The following PHLDB2 variants were observed in gnomAD, a reference collection of about 807,000 sequenced individuals.
PHLDB2 encodes pleckstrin homology like domain family B member 2.
A neutral mutation model predicts 123.6 loss-of-function variants in PHLDB2; 71 were observed. The ratio of observed to expected loss-of-function variants is 0.57; its 90% CI spans 0.47 to 0.70. The LOEUF (loss-of-function observed/expected upper bound fraction) is 0.70. PHLDB2 is among the 30% of genes least tolerant of loss of function. PHLDB2 has a pLI of 0.00. For synonymous variants in PHLDB2, 547 were observed against 541.6 expected, an observed-to-expected ratio of 1.01 and a Z score of -0.14; for missense variants, 1,446 against 1,519.5, an observed-to-expected ratio of 0.95 and a Z score of 0.80.
intron 1 of PHLDB2, among the ~76,000 whole-genome samples, chr3:111,860,506 C>A (rs977610028): frequency 6.6e-6 from 1 of 152,182 alleles, no homozygotes; most frequent in Non-Finnish European, 1.5e-5. Context: ...AATAACTTAG[C>A]CCTAGCAGTC....
chr3:111,800,173 T>G (rs761762925), intron 1 of PHLDB2, among the ~76,000 whole-genome samples: 19 of 152,170 alleles, frequency 1.2e-4, no homozygotes, highest in Non-Finnish European at 2.4e-4. Flanking sequence ...GCCCACCTAG[T>G]TTTTGCAATT....
intron 1 of PHLDB2, among the ~76,000 whole-genome samples, chr3:111,735,589 A>G (rs1941661936): frequency 6.6e-6 from 1 of 152,192 alleles, no homozygotes; most frequent in Admixed American, 6.5e-5. Flanking sequence ...AGGCATTACA[A>G]ATAGAGATTG....
At chr3:111,954,955 G>T (rs952775533) in intron 12 of PHLDB2, among the ~76,000 whole-genome samples, 2 of 152,054 alleles carry the variant, frequency 1.3e-5, no homozygotes, top group Non-Finnish European at 2.9e-5. Flanking sequence ...CTCTAAGCAG[G>T]CTGGAATTCG....
At chr3:111,878,372 G>A (rs982393855) in intron 1 of PHLDB2, among the ~76,000 whole-genome samples, 3 of 152,182 alleles carry the variant, frequency 2.0e-5, no homozygotes, top group African/African-American at 7.2e-5. Flanking sequence ...TTGGTGAATA[G>A]GAATGCTTGT....
At chr3:111,775,599 G>A (rs2060255005) in intron 1 of PHLDB2, among the ~76,000 whole-genome samples, 1 of 152,064 alleles carries the variant, frequency 6.6e-6, no homozygotes, top group Admixed American at 6.6e-5. Context: ...GTTCCATTTT[G>A]TAATGTCATT....
chr3:111,784,750 A>G (rs1197274187), intron 1 of PHLDB2, among the ~76,000 whole-genome samples: 1 of 152,320 alleles, frequency 6.6e-6, no homozygotes, highest in East Asian at 1.9e-4. Flanking sequence ...AATGTCATGT[A>G]TATTGTAACA....
chr3:111,789,011 T>A (rs1225224077), intron 1 of PHLDB2, among the ~76,000 whole-genome samples: 2 of 152,192 alleles, frequency 1.3e-5, no homozygotes, highest in Admixed American at 6.5e-5. Flanking sequence ...CGATGAGCGC[T>A]ATATTATGTT....
At chr3:111,958,808 G>T in intron 12 of PHLDB2, 1 of 438,098 alleles carries the variant, frequency 2.3e-6, no homozygotes, top group Non-Finnish European at 4.5e-6. Context: ...AGTCTCAGGG[G>T]TTGGGAAAGT....
At chr3:111,897,310 C>T (rs1429135207) in intron 2 of PHLDB2, among the ~76,000 whole-genome samples, 1 of 152,214 alleles carries the variant, frequency 6.6e-6, no homozygotes, top group African/African-American at 2.4e-5. Context: ...AGACACACTT[C>T]TGTGTGTTTC....
At chr3:111,949,782 A>G in intron 10 of PHLDB2, 1 of 985,330 alleles carries the variant, frequency 1.0e-6, no homozygotes, top group Non-Finnish European at 1.2e-6. Flanking sequence ...CATCAGCCCC[A>G]TGGCCTGAAT....
chr3:111,867,897 T>C (rs1291587928), intron 1 of PHLDB2, among the ~76,000 whole-genome samples: 2 of 152,060 alleles, frequency 1.3e-5, no homozygotes, highest in Admixed American at 6.6e-5. Context: ...AGATGGGGTC[T>C]CACCATGTTG....
chr3:111,916,119 C>G (rs567026979), intron 3 of PHLDB2: 1 of 152,292 alleles, frequency 6.6e-6, no homozygotes, highest in East Asian at 1.9e-4. Flanking sequence ...GCTGTTGGTG[C>G]GTACACGAGC....
intron 1 of PHLDB2, among the ~76,000 whole-genome samples, chr3:111,830,494 A>G (rs1303330296): frequency 7.5e-6 from 1 of 133,898 alleles, no homozygotes; most frequent in Non-Finnish European, 1.5e-5. Context: ...AATACCATGA[A>G]TAAGGAACAT....
intron 1 of PHLDB2, among the ~76,000 whole-genome samples, chr3:111,841,575 C>T (rs2063698334): frequency 6.6e-6 from 1 of 152,130 alleles, no homozygotes; most frequent in African/African-American, 2.4e-5. Flanking sequence ...CTCATAACCT[C>T]TTCAAATAGA....
intron 2 of PHLDB2, among the ~76,000 whole-genome samples, chr3:111,894,361 C>T (rs922430604): frequency 1.8e-4 from 28 of 151,996 alleles, no homozygotes; most frequent in African/African-American, 6.8e-4. Flanking sequence ...AGTAATGCCG[C>T]AATAAACATA....
intron 2 of PHLDB2, among the ~76,000 whole-genome samples, chr3:111,908,561 G>A (rs923233107): frequency 6.6e-6 from 1 of 152,178 alleles, no homozygotes; most frequent in Non-Finnish European, 1.5e-5. Context: ...CAAGGCATGT[G>A]ATGAATTATG....
chr3:111,890,225 G>T (rs1349768651), intron 2 of PHLDB2, among the ~76,000 whole-genome samples: 2 of 152,204 alleles, frequency 1.3e-5, no homozygotes, highest in African/African-American at 2.4e-5. Flanking sequence ...GGAGATAACT[G>T]TCAGTTGTAT....
chr3:111,762,535 T>C (rs2060012446), intron 1 of PHLDB2, among the ~76,000 whole-genome samples: 1 of 152,140 alleles, frequency 6.6e-6, no homozygotes, highest in African/African-American at 2.4e-5. Flanking sequence ...TTATCATCAT[T>C]CTAATCACAG....
At chr3:111,905,888 C>A (rs771717227) in intron 2 of PHLDB2, among the ~76,000 whole-genome samples, 1 of 152,086 alleles carries the variant, frequency 6.6e-6, no homozygotes, top group Non-Finnish European at 1.5e-5. Flanking sequence ...GAAGATGACA[C>A]CCATTATAAT....
Sources: allele counts gnomAD v4.1 joint callset (sites outside exome capture counted in the v4.1 genomes callset), GRCh38; gene constraint gnomAD v4.1.1; transcripts MANE v1.5; gene names NCBI Gene and HGNC (gene_info 2026-07-23, HGNC 2026-07-21).